Variants in LINGO2 observed in about 807,000 individuals in gnomAD.
The protein encoded by LINGO2 is leucine rich repeat and Ig domain containing 2.
LINGO2 carries 14 observed loss-of-function variants against 30.6 expected under a neutral mutation model. The ratio of observed to expected loss-of-function variants is 0.46; its 90% CI spans 0.30 to 0.72. The LOEUF is 0.72. Ranked by LOEUF, LINGO2 falls within the 30% of genes least tolerant of loss-of-function variation. The pLI, the probability that LINGO2 is intolerant of heterozygous loss-of-function variation, is 0.07. For missense variants in LINGO2, 729 were observed against 751.7 expected (o/e 0.97, Z 0.35); for synonymous variants, 317 against 288.5 (o/e 1.10, Z -1.00).
chr9:28,637,993 C>T (rs994710120), intron 1 of LINGO2, among the ~76,000 whole-genome samples: 4 of 152,072 alleles, frequency 2.6e-5, no homozygotes, highest in Non-Finnish European at 5.9e-5. Flanking sequence ...TGAGATACAA[C>T]CCATCAATAA....
At chr9:28,467,024 C>G (rs1370445770) in intron 2 of LINGO2, among the ~76,000 whole-genome samples, 1 of 148,376 alleles carries the variant, frequency 6.7e-6, no homozygotes, top group Non-Finnish European at 1.5e-5. Flanking sequence ...CTAGCTGACT[C>G]TCTTTTTTTT....
chr9:28,886,569 C>T, the LINGO2 span, among the ~76,000 whole-genome samples: 135,844 of 152,168 alleles, frequency 0.89, 60,955 homozygotes, highest in Non-Finnish European at 0.94. Flanking sequence ...AAATATACCA[C>T]AGTTACTCAC....
chr9:29,131,606 G>A, the LINGO2 span, among the ~76,000 whole-genome samples: 2 of 152,024 alleles, frequency 1.3e-5, no homozygotes, highest in African/African-American at 4.8e-5. Context: ...TTGGGACCCA[G>A]TATTAATGTA....
chr9:28,666,042 C>T (rs773511657), intron 1 of LINGO2, among the ~76,000 whole-genome samples: 2 of 151,924 alleles, frequency 1.3e-5, no homozygotes, highest in Admixed American at 6.6e-5. Flanking sequence ...CACACATGCA[C>T]CACGACACCC....
the LINGO2 span, among the ~76,000 whole-genome samples, chr9:29,135,704 T>TA: frequency 6.6e-6 from 1 of 152,136 alleles, no homozygotes; most frequent in Non-Finnish European, 1.5e-5. Context: ...TACAGATCAA[T>TA]AGAGTTATGC....
the LINGO2 span, among the ~76,000 whole-genome samples, chr9:28,709,773 T>C: frequency 6.6e-6 from 1 of 151,932 alleles, no homozygotes; most frequent in Non-Finnish European, 1.5e-5. Flanking sequence ...TGTAGTTATC[T>C]AGCTACTTAC....
At chr9:28,883,011 C>G in the LINGO2 span, among the ~76,000 whole-genome samples, 3 of 152,052 alleles carry the variant, frequency 2.0e-5, no homozygotes, top group Non-Finnish European at 4.4e-5. Context: ...TGTTAACTGG[C>G]CTTCCCCAAT....
intron 4 of LINGO2, among the ~76,000 whole-genome samples, chr9:28,067,480 A>G (rs1165081089): frequency 1.3e-5 from 2 of 152,202 alleles, no homozygotes; most frequent in African/African-American, 2.4e-5. Flanking sequence ...GAAGAGTTCC[A>G]TATCTGGAGT....
chr9:28,515,397 G>A (rs558052445), intron 1 of LINGO2, among the ~76,000 whole-genome samples: 7 of 152,014 alleles, frequency 4.6e-5, no homozygotes, highest in Admixed American at 1.3e-4. Context: ...TAGTAGAGAC[G>A]AGGTTTCACC....
chr9:28,853,499 G>T, the LINGO2 span, among the ~76,000 whole-genome samples: 1 of 152,118 alleles, frequency 6.6e-6, no homozygotes, highest in Admixed American at 6.6e-5. Context: ...GATATCTGGG[G>T]TTTAAATCAA....
At chr9:28,224,110 G>A (rs575850361) in intron 4 of LINGO2, among the ~76,000 whole-genome samples, 2 of 152,246 alleles carry the variant, frequency 1.3e-5, no homozygotes, top group Non-Finnish European at 1.5e-5. Context: ...TGTAGCCCAG[G>A]CTGGAGTGCA....
chr9:28,394,786 A>C (rs913022548), intron 2 of LINGO2, among the ~76,000 whole-genome samples: 1 of 152,212 alleles, frequency 6.6e-6, no homozygotes, highest in Non-Finnish European at 1.5e-5. Flanking sequence ...CTGTGAAGGA[A>C]ATAATCCATT....
chr9:28,263,983 T>C (rs1822656752), intron 4 of LINGO2, among the ~76,000 whole-genome samples: 3 of 151,932 alleles, frequency 2.0e-5, no homozygotes, highest in African/African-American at 7.2e-5. Flanking sequence ...TAAAATGACC[T>C]ACAATGGATG....
chr9:28,988,278 T>A, the LINGO2 span, among the ~76,000 whole-genome samples: 1 of 152,200 alleles, frequency 6.6e-6, no homozygotes. Context: ...TCATACAATA[T>A]AATAGCTTTC....
chr9:28,608,640 A>T (rs1453804456), intron 1 of LINGO2, among the ~76,000 whole-genome samples: 1 of 151,924 alleles, frequency 6.6e-6, no homozygotes, highest in Non-Finnish European at 1.5e-5. Context: ...AGATTAAAAG[A>T]TCTAGTATTA....
At chr9:28,569,002 G>T (rs1459634931) in intron 1 of LINGO2, among the ~76,000 whole-genome samples, 1 of 146,998 alleles carries the variant, frequency 6.8e-6, no homozygotes, top group African/African-American at 2.7e-5. Context: ...TTTTTTCAAT[G>T]AATACATATA....
At chr9:28,690,670 T>C in the LINGO2 span, among the ~76,000 whole-genome samples, 184 of 152,264 alleles carry the variant, frequency 1.2e-3, 1 homozygote, top group African/African-American at 4.2e-3. Context: ...TTCTATCTTT[T>C]ACTTATTCTC....
At chr9:29,084,618 C>A in the LINGO2 span, among the ~76,000 whole-genome samples, 43 of 152,006 alleles carry the variant, frequency 2.8e-4, no homozygotes, top group African/African-American at 9.6e-4. Context: ...TAGAATCTGA[C>A]CCTGATCTCC....
chr9:28,837,557 G>A, the LINGO2 span, among the ~76,000 whole-genome samples: 3 of 149,524 alleles, frequency 2.0e-5, no homozygotes, highest in African/African-American at 7.4e-5. Context: ...TGAGGCAGGA[G>A]AATTGCTTGA....
Sources: gnomAD v4.1 joint callset for allele counts (sites outside exome capture counted in the v4.1 genomes callset) on GRCh38, gnomAD v4.1.1 for gene constraint, MANE v1.5 for transcripts, NCBI Gene and HGNC (gene_info 2026-07-23, HGNC 2026-07-21) for gene names.